Variants in ACTN2 observed in about 807,000 individuals in gnomAD.
The protein encoded by ACTN2 is actinin alpha 2.
In ACTN2, 39 loss-of-function variants were observed where a neutral mutation model predicts 113.8. The observed-to-expected ratio is 0.34, with a 90% CI of 0.27 to 0.45. The LOEUF is 0.45. Ranked by LOEUF, ACTN2 falls within the 20% of genes least tolerant of loss-of-function variation. ACTN2 has a pLI of 1.00. For missense variants in ACTN2, 992 were observed against 1,177.9 expected, an observed-to-expected ratio of 0.84 and a Z score of 2.31; for synonymous variants, 429 against 444.1, an observed-to-expected ratio of 0.97 and a Z score of 0.43.
chr1:236,739,018 T>C (rs1658977404), intron 9 of ACTN2, among the ~76,000 whole-genome samples: 1 of 152,228 alleles, frequency 6.6e-6, no homozygotes, highest in Admixed American at 6.5e-5. Context: ...TGTCTGCTAA[T>C]GTCTGGTCCC....
chr1:236,727,825 A>G (rs1338543557), intron 6 of ACTN2, 69 bp downstream of exon 6: 3 of 1,482,420 alleles, frequency 2.0e-6, no homozygotes, highest in Admixed American at 3.4e-5. Flanking sequence ...AAATGAGCAC[A>G]TCAGCACTAG....
At chr1:236,705,693 T>C (rs1292270357) in intron 1 of ACTN2, among the ~76,000 whole-genome samples, 1 of 152,262 alleles carries the variant, frequency 6.6e-6, no homozygotes, top group Non-Finnish European at 1.5e-5. Flanking sequence ...TAAAGTTGCC[T>C]TATCAGGCAT....
At chr1:236,717,522 G>A (rs1012152497) in intron 1 of ACTN2, among the ~76,000 whole-genome samples, 3 of 152,124 alleles carry the variant, frequency 2.0e-5, no homozygotes, top group African/African-American at 7.2e-5. Context: ...CAAGAAATAA[G>A]CACATCTTAA....
chr1:236,749,603 C>T (rs1193029379), intron 14 of ACTN2, among the ~76,000 whole-genome samples: 4 of 151,986 alleles, frequency 2.6e-5, no homozygotes, highest in African/African-American at 9.7e-5. Context: ...TCGAGACCAG[C>T]CTGGCCAATG....
At chr1:236,718,382 C>G (rs1233308265) in intron 2 of ACTN2, among the ~76,000 whole-genome samples, 1 of 152,184 alleles carries the variant, frequency 6.6e-6, no homozygotes, top group Non-Finnish European at 1.5e-5. Context: ...TATGATTTGT[C>G]CTGAATTTCA....
chr1:236,743,692 A>G (rs567522647), intron 11 of ACTN2, among the ~76,000 whole-genome samples: 2 of 151,048 alleles, frequency 1.3e-5, no homozygotes, highest in South Asian at 2.1e-4. Flanking sequence ...TCCTCATTCT[A>G]TGGTTTTTGC....
At chr1:236,725,509 C>T (rs1333151382) in intron 4 of ACTN2, among the ~76,000 whole-genome samples, 2 of 152,176 alleles carry the variant, frequency 1.3e-5, no homozygotes, top group South Asian at 2.1e-4. Flanking sequence ...CACCTGTAGT[C>T]CCAGCTACTC....
At chr1:236,743,235 G>A (rs1034091188) in intron 11 of ACTN2, among the ~76,000 whole-genome samples, 192 bp downstream of exon 11, 5 of 152,066 alleles carry the variant, frequency 3.3e-5, no homozygotes, top group Admixed American at 6.5e-5. Flanking sequence ...TTCTAATCAC[G>A]CAGGTAATCT....
intron 1 of ACTN2, among the ~76,000 whole-genome samples, chr1:236,709,178 A>G (rs1361183039): frequency 7.2e-6 from 1 of 139,188 alleles, no homozygotes; most frequent in Non-Finnish European, 1.5e-5. Context: ...CCTCTCAATA[A>G]TCTTTTGAAC....
chr1:236,697,446 G>C (rs920294509), intron 1 of ACTN2, among the ~76,000 whole-genome samples: 1 of 152,200 alleles, frequency 6.6e-6, no homozygotes, highest in Non-Finnish European at 1.5e-5. Context: ...ACTCTGAGGG[G>C]ATAGGTGGAA....
At chr1:236,717,457 C>T (rs984764212) in intron 1 of ACTN2, among the ~76,000 whole-genome samples, 10 of 152,052 alleles carry the variant, frequency 6.6e-5, no homozygotes, top group Non-Finnish European at 1.3e-4. Context: ...AAACAAAACA[C>T]TGTTATTTAT....
At chr1:236,718,762 C>G (rs1187868591) in intron 2 of ACTN2, 132 bp from the exon 3 acceptor site, 1 of 1,267,122 alleles carries the variant, frequency 7.9e-7, no homozygotes, top group South Asian at 1.3e-5. Context: ...TTAGAGAGAC[C>G]AGGCACACAT....
chr1:236,695,805 C>T (rs1657481986), intron 1 of ACTN2, among the ~76,000 whole-genome samples: 1 of 152,060 alleles, frequency 6.6e-6, no homozygotes, highest in Admixed American at 6.5e-5. Flanking sequence ...AAGCCCTAGA[C>T]CAAGAAGTTG....
chr1:236,734,215 T>G lies in ACTN2; in HGVS notation c.698-1420T>G, dbSNP rs1558238581. ...TTCTGGGTTAGCCTTGGCGTTCTCT[T>G]TGGCAATTCCTTTGTTTCCTTTGAC... On this transcript the variant is annotated intron_variant, in intron 7 of 20. Transcript: ENST00000366578. 2.0e-5 allele frequency among the ~76,000 whole-genome samples: 3 copies of G among 152,200 alleles called. No individual in the cohort carries two copies. The South Asian group carries it at 6.2e-4, about 32-fold the overall frequency.
chr1:236,694,125 C>T (rs1657389919), intron 1 of ACTN2, among the ~76,000 whole-genome samples: 1 of 152,140 alleles, frequency 6.6e-6, no homozygotes, highest in South Asian at 2.1e-4. Context: ...GCTCTGTCTC[C>T]CCAACAAGGG....
chr1:236,732,788 C>T (rs551710242), intron 7 of ACTN2, among the ~76,000 whole-genome samples: 8 of 152,112 alleles, frequency 5.3e-5, no homozygotes, highest in African/African-American at 1.9e-4. Flanking sequence ...GCATTAAGGG[C>T]CCATCCTACT....
intron 1 of ACTN2, among the ~76,000 whole-genome samples, chr1:236,690,831 G>A (rs529320381): frequency 7.9e-5 from 12 of 151,766 alleles, no homozygotes; most frequent in Middle Eastern, 6.8e-3. Context: ...TCACATTGTT[G>A]TACAACCATC....
chr1:236,728,895 C>G (rs1277974149), intron 6 of ACTN2, among the ~76,000 whole-genome samples: 3 of 150,260 alleles, frequency 2.0e-5, no homozygotes, highest in Non-Finnish European at 3.0e-5. Flanking sequence ...CACCAACTCC[C>G]AAACAAAAAC....
At chr1:236,749,077 A>AT in intron 13 of ACTN2, 47 bp from the exon 14 acceptor site, 1 of 1,608,562 alleles carries the variant, frequency 6.2e-7, no homozygotes, top group Non-Finnish European at 8.5e-7. Context: ...CTTTCAGTGA[A>AT]TTTTTTAATT....
Sources: allele counts gnomAD v4.1 joint callset (sites outside exome capture counted in the v4.1 genomes callset), GRCh38; gene constraint gnomAD v4.1.1; transcripts MANE v1.5; gene names NCBI Gene and HGNC (gene_info 2026-07-23, HGNC 2026-07-21).